GLIS3: variants seen among roughly 807,000 people sequenced by gnomAD.
GLIS3 encodes zinc finger protein GLIS3.
Under a neutral mutation model 78.6 loss-of-function variants are expected in GLIS3, and 53 were observed. That is an observed-to-expected ratio of 0.67 (90% confidence interval 0.54 to 0.85). The LOEUF is 0.85. GLIS3 is among the 40% of genes least tolerant of loss of function. The pLI is 0.00. For missense variants in GLIS3, 1,703 were observed against 1,231.1 expected (o/e 1.38, Z -5.74); for synonymous variants, 684 against 509.9 (o/e 1.34, Z -4.60).
the GLIS3 span, among the ~76,000 whole-genome samples, chr9:4,490,004 C>T: frequency 6.6e-6 from 1 of 152,198 alleles, no homozygotes; most frequent in East Asian, 1.9e-4. Flanking sequence ...CTGGCACATC[C>T]CAGCCTGAGT....
intron 2 of GLIS3, among the ~76,000 whole-genome samples, chr9:4,327,435 T>C (rs917765096): frequency 2.6e-5 from 4 of 152,144 alleles, no homozygotes; most frequent in African/African-American, 7.2e-5. Context: ...AGGAGGGTCC[T>C]GCAGTAGTCC....
At chr9:3,866,785 C>T (rs906133370) in intron 8 of GLIS3, among the ~76,000 whole-genome samples, 5 of 152,148 alleles carry the variant, frequency 3.3e-5, no homozygotes, top group African/African-American at 1.2e-4. Flanking sequence ...AAGTATTAAC[C>T]AGGGAGAGGT....
At chr9:3,837,938 G>C (rs979356661) in intron 9 of GLIS3, among the ~76,000 whole-genome samples, 1 of 149,566 alleles carries the variant, frequency 6.7e-6, no homozygotes, top group Admixed American at 6.7e-5. Context: ...TTTATTGATT[G>C]TAACAAAGGC....
chr9:4,113,765 T>A (rs1020907604), intron 4 of GLIS3, among the ~76,000 whole-genome samples: 1 of 152,226 alleles, frequency 6.6e-6, no homozygotes, highest in African/African-American at 2.4e-5. Context: ...CAGCTCTGTA[T>A]TTATTTTCTT....
the GLIS3 span, among the ~76,000 whole-genome samples, chr9:4,402,919 G>C: frequency 6.6e-6 from 1 of 152,100 alleles, no homozygotes; most frequent in Non-Finnish European, 1.5e-5. Flanking sequence ...TAATAACAGA[G>C]AACTTCCCAA....
chr9:4,397,088 C>T, the GLIS3 span, among the ~76,000 whole-genome samples: 16 of 137,424 alleles, frequency 1.2e-4, no homozygotes, highest in East Asian at 1.0e-3. Flanking sequence ...TGCAGTGGCG[C>T]GATCTTGGCT....
At chr9:4,303,347 A>C (rs569042359), upstream of GLIS3, among the ~76,000 whole-genome samples, 15 of 152,232 alleles carry the variant, frequency 9.9e-5, no homozygotes, top group Admixed American at 9.8e-4. Flanking sequence ...GTGTTTGCCA[A>C]CTTTAAGGGG....
rs1488210526 is a variant in GLIS3, at chr9:3,856,012, G to T, written c.2470C>A (p.His824Asn). 6.2e-7 allele frequency: 1 copy of T among 1,614,004 alleles called. No individual in the cohort carries two copies. Among genetic ancestry groups the T allele is most frequent in the African/African-American group, 1.3e-5 (1 of 74,926 alleles). ...GGACTGCCAGCTTCTTGCTTACCAT[G>T]GACATGGATACCATTTGGTTGAAAA... Reference protein sequence around the residue: ...SSFQPNGIHVHGFYGQLQKFC... With the variant: ...SSFQPNGIHVNGFYGQLQKFC... Residue 824 changes from histidine (H) to asparagine (N), a missense_variant, in exon 9 of 11, where the codon CAT (histidine) becomes AAT (asparagine). His to Asn is a moderately conservative substitution (Grantham distance 68). Transcript: ENST00000381971.
the GLIS3 span, among the ~76,000 whole-genome samples, chr9:4,397,168 G>C: frequency 7.1e-6 from 1 of 140,438 alleles, no homozygotes; most frequent in African/African-American, 2.9e-5. Flanking sequence ...TGGGACTACA[G>C]GTGCCCGCCA....
the GLIS3 span, among the ~76,000 whole-genome samples, chr9:4,402,460 C>G: frequency 6.6e-6 from 1 of 152,140 alleles, no homozygotes; most frequent in Non-Finnish European, 1.5e-5. Flanking sequence ...GAAAACATGA[C>G]CTCACCAAAT....
intron 6 of GLIS3, among the ~76,000 whole-genome samples, chr9:3,926,068 T>C (rs372006677): frequency 3.3e-5 from 5 of 152,156 alleles, no homozygotes; most frequent in African/African-American, 9.7e-5. Context: ...AGTCCCTCAA[T>C]TGAGTGCCAT....
intron 4 of GLIS3, among the ~76,000 whole-genome samples, chr9:3,992,392 TAAAGA>T (rs1178840869): frequency 2.0e-5 from 3 of 152,192 alleles, no homozygotes; most frequent in Non-Finnish European, 2.9e-5. Context: ...ATGAGGGCAA[TAAAGA>T]AATGTGTTTC....
chr9:3,981,636 G>A (rs1297009419), intron 4 of GLIS3, among the ~76,000 whole-genome samples: 2 of 152,146 alleles, frequency 1.3e-5, no homozygotes, highest in African/African-American at 4.8e-5. Flanking sequence ...CATATCAGGG[G>A]TATGATACAT....
At chr9:3,950,924 G>C (rs569704129) in intron 4 of GLIS3, among the ~76,000 whole-genome samples, 1 of 152,244 alleles carries the variant, frequency 6.6e-6, no homozygotes, top group South Asian at 2.1e-4. Flanking sequence ...AATCCACTCA[G>C]AATAACCATA....
At chr9:4,070,497 CGTAA>C (rs1564010115) in intron 4 of GLIS3, among the ~76,000 whole-genome samples, 3 of 151,018 alleles carry the variant, frequency 2.0e-5, no homozygotes, top group Admixed American at 6.6e-5. Flanking sequence ...TGTGCATGTG[CGTAA>C]GTATTTGTGT....
intron 4 of GLIS3, among the ~76,000 whole-genome samples, chr9:4,037,821 T>C (rs1824462293): frequency 6.6e-6 from 1 of 152,214 alleles, no homozygotes; most frequent in African/African-American, 2.4e-5. Context: ...AGTCTTTTTT[T>C]AAATACACCA....
intron 6 of GLIS3, among the ~76,000 whole-genome samples, chr9:3,917,703 C>A (rs1824614033): frequency 6.6e-6 from 1 of 151,998 alleles, no homozygotes; most frequent in South Asian, 2.1e-4. Context: ...CTGAAACGAC[C>A]TCACCCAGGT....
At chr9:4,269,858 A>C (rs1258694851) in intron 2 of GLIS3, among the ~76,000 whole-genome samples, 3 of 152,200 alleles carry the variant, frequency 2.0e-5, no homozygotes, top group Non-Finnish European at 4.4e-5. Flanking sequence ...TCTGGTGGGG[A>C]CACACAACAA....
At chr9:3,853,145 C>G (rs1289337400) in intron 9 of GLIS3, among the ~76,000 whole-genome samples, 1 of 152,146 alleles carries the variant, frequency 6.6e-6, no homozygotes, top group East Asian at 1.9e-4. Context: ...TTTGAGGCTG[C>G]AGTGAGCTAT....
Sources: allele counts gnomAD v4.1 joint callset (sites outside exome capture counted in the v4.1 genomes callset), GRCh38; gene constraint gnomAD v4.1.1; transcripts MANE v1.5; gene names NCBI Gene and HGNC (gene_info 2026-07-23, HGNC 2026-07-21).